Variants in GCGR observed in about 807,000 individuals in gnomAD.
GCGR encodes the protein glucagon receptor.
GCGR carries 41 observed loss-of-function variants against 56.1 expected under a neutral mutation model. The observed-to-expected ratio is 0.73, with a 90% CI of 0.57 to 0.95. GCGR has a LOEUF of 0.95. Ranked by LOEUF, GCGR falls within the 40% of genes least tolerant of loss-of-function variation. The pLI is 0.00. For synonymous variants in GCGR, 278 were observed against 271.1 expected, an observed-to-expected ratio of 1.03 and a Z score of -0.25; for missense variants, 595 against 638.2, an observed-to-expected ratio of 0.93 and a Z score of 0.73.
intron 2 of GCGR, among the ~76,000 whole-genome samples, 172 bp downstream of exon 2, chr17:81,809,250 GTCCATCTGCCTA>G (rs1398081020): frequency 6.7e-6 from 1 of 149,758 alleles, no homozygotes; most frequent in Admixed American, 6.7e-5. Context: ...CTGTCCATCT[GTCCATCTGCCTA>G]TCCATCTGCC....
rs938741500 is a variant in GCGR, at chr17:81,809,895, C to T, written c.163+11C>T. The T allele has an allele frequency of 6.6e-7, 1 of 1,517,268 alleles. No homozygotes were observed. The highest frequency in any genetic ancestry group is 1.4e-5 in the African/African-American group (1 of 72,730). The allele number at this position is 1,517,268 out of a possible 1,614,324, so 94.0% of individuals were successfully genotyped here. A position where few individuals can be genotyped will look rare whatever the true frequency, so the allele number is the denominator to read the frequency against. On this transcript the variant is annotated intron_variant, in intron 3 of 13. Transcript: ENST00000400723. ...TGCCCCCTCCCACGGGTGAGCCCCC[C>T]ACCCAGAGCCTTTCAGCCTGTGCCT... is the stretch of plus-strand genomic sequence containing the variant.
At chr17:81,807,586 G>T (rs556885631) in intron 1 of GCGR, among the ~76,000 whole-genome samples, 5 of 152,152 alleles carry the variant, frequency 3.3e-5, no homozygotes, top group African/African-American at 4.8e-5. Flanking sequence ...CCCTCTCCCC[G>T]GCTTCCCCCT....
In GCGR at chr17:81,813,168, G is replaced by C; in HGVS notation, c.1218+111G>C. On this transcript the variant is annotated intron_variant, in intron 13 of 13. Coordinates refer to ENST00000400723, the MANE Select transcript of GCGR (RefSeq NM_000160.5). This position sits in a 1 kb window ranked among gnomAD's most constrained non-coding sequence, Gnocchi z 5.3. ...CCCTGCCCGGGGGTTGGAACACGTGGGGCCCAAGCCTTTCCCTCCCCCTGC... is the reference window on the plus strand; with the variant it reads ...CCCTGCCCGGGGGTTGGAACACGTGCGGCCCAAGCCTTTCCCTCCCCCTGC... 1 of 1,468,348 alleles carries C rather than the reference G, an allele frequency of 6.8e-7. No homozygotes were observed. The highest frequency in any genetic ancestry group is 2.0e-5 in the Admixed American group (1 of 50,864). The allele number at this position is 1,468,348 out of a possible 1,614,324, so 91.0% of individuals were successfully genotyped here. A position where few individuals can be genotyped will look rare whatever the true frequency, so the allele number is the denominator to read the frequency against.
In GCGR at chr17:81,811,473, C is replaced by T. The variant is rs569946304; in HGVS notation, c.570C>T (p.Ser190=). 16 of 1,536,692 alleles carry T rather than the reference C, an allele frequency of 1.0e-5. No homozygotes were observed. Among genetic ancestry groups the T allele is most frequent in the African/African-American group, 5.5e-5 (4 of 73,174 alleles). Residue 190 remains serine (S), a synonymous_variant, in exon 7 of 14, where the codon TCC becomes TCT. Coordinates refer to ENST00000400723, the MANE Select transcript of GCGR (RefSeq NM_000160.5). The surrounding 1 kb of genome is among the most constrained non-coding windows in gnomAD (Gnocchi z 5.8). ...LFASFVLKAS[S]VLVIDGLLRT... is the part of the protein sequence containing the mutation. ...CGTCCTTCGTGCTGAAAGCCAGCTC[C>T]GTGCTGGTCATTGATGGGCTGCTCA...
chr17:81,809,244 C>T (rs2038027212), intron 2 of GCGR, among the ~76,000 whole-genome samples, 166 bp downstream of exon 2: 1 of 150,678 alleles, frequency 6.6e-6, no homozygotes, highest in Non-Finnish European at 1.5e-5. Flanking sequence ...GTCTGTCTGT[C>T]CATCTGTCCA....
At chr17:81,807,225 G>A (rs2037982675) in intron 1 of GCGR, among the ~76,000 whole-genome samples, 1 of 152,196 alleles carries the variant, frequency 6.6e-6, no homozygotes, top group Admixed American at 6.5e-5. Flanking sequence ...TGGGTCCTTC[G>A]CCCCAGCACC....
chr17:81,805,970 G>A (rs776029971), intron 1 of GCGR, among the ~76,000 whole-genome samples: 1 of 152,204 alleles, frequency 6.6e-6, no homozygotes, highest in Non-Finnish European at 1.5e-5. Context: ...CCTCTCGGGG[G>A]AGAGGGCTGG....
chr17:81,808,817 C>T (rs2143111292), intron 1 of GCGR, 25 bp from the exon 2 acceptor site: 1 of 635,024 alleles, frequency 1.6e-6, no homozygotes. Flanking sequence ...CCGCGCCCGG[C>T]CCCCAGCTCC....
chr17:81,813,899 A>G lies in GCGR; in HGVS notation c.*210A>G. The G allele has an allele frequency of 1.7e-6, 1 of 585,690 alleles. No homozygotes were observed. The highest frequency in any genetic ancestry group is 3.0e-6 in the Non-Finnish European group (1 of 330,124). 36.3% of individuals were successfully genotyped at this position (585,690 alleles called of 1,614,324 possible). ...GGTGCAGAGGTGAGCAGAGGAGTCC[A>G]GGGCGGGAGTGGGGGCTGTGCCGTG... On this transcript the variant is annotated 3_prime_UTR_variant, in exon 14 of 14. Transcript: ENST00000400723. The surrounding 1 kb of genome is among the most constrained non-coding windows in gnomAD (Gnocchi z 5.3).
chr17:81,806,139 A>G lies in GCGR; in HGVS notation c.-178+1890A>G, dbSNP rs946846743. Among the ~76,000 whole-genome samples, 2 of 152,038 alleles carry G rather than the reference A, an allele frequency of 1.3e-5. No individual in the cohort carries two copies. Among genetic ancestry groups the G allele is most frequent in the Admixed American group, 6.5e-5 (1 of 15,272 alleles). On this transcript the variant is annotated intron_variant, in intron 1 of 13. Coordinates refer to ENST00000400723, the MANE Select transcript of GCGR (RefSeq NM_000160.5). The surrounding 1 kb of genome is among the most constrained non-coding windows in gnomAD (Gnocchi z 6.5). ...AGGCCAGGCTCTCTCATGGGTGCTCAGCTGGAAATTGGTCCCCCCCCGGCT... is the reference window on the plus strand; with the variant it reads ...AGGCCAGGCTCTCTCATGGGTGCTCGGCTGGAAATTGGTCCCCCCCCGGCT...
At position 81,809,890 on chromosome 17, in the gene GCGR, C is replaced by T. The variant is rs1242527268; in HGVS notation, c.163+6C>T. The T allele has an allele frequency of 1.3e-6, 2 of 1,522,962 alleles. No individual in the cohort carries two copies. The highest frequency in any genetic ancestry group is 2.0e-5 in the Admixed American group (1 of 50,950). The allele number at this position is 1,522,962 out of a possible 1,614,324, so 94.3% of individuals were successfully genotyped here. A position where few individuals can be genotyped will look rare whatever the true frequency, so the allele number is the denominator to read the frequency against. ...CCTGCTGCCCCCTCCCACGGGTGAG[C>T]CCCCCACCCAGAGCCTTTCAGCCTG... On this transcript the variant is annotated splice_donor_region_variant and intron_variant, in intron 3 of 13. Transcript: ENST00000400723.
Position 81,813,585 on chromosome 17 carries a change from C to G in GCGR, c.1330C>G (p.Pro444Ala). ...CTCATCTTCGCCCGGCCACGGCCCT[C>G]CCAGCAAGGAGCTGCAGTTTGGGAG... ...RASSSPGHGP[P>A]SKELQFGRGG... The change falls in exon 14 of 14, where the codon CCC (proline) becomes GCC (alanine). Residue 444 changes from proline (P) to alanine (A), a missense_variant. Physicochemically the swap from Pro to Ala is conservative, Grantham distance 27. Transcript: ENST00000400723. The surrounding 1 kb of genome is among the most constrained non-coding windows in gnomAD (Gnocchi z 5.3). 3 of 1,536,576 alleles carry G rather than the reference C, an allele frequency of 2.0e-6. No individual in the cohort carries two copies. In the South Asian group the frequency reaches 3.6e-5, roughly 18 times the overall value.
In GCGR at chr17:81,811,993, G is replaced by A. The variant is rs1212485455; in HGVS notation, c.878+47G>A. The A allele has an allele frequency of 1.3e-6, 2 of 1,535,472 alleles. No homozygotes were observed. The highest frequency in any genetic ancestry group is 2.4e-5 in the East Asian group (1 of 40,910). ...GCCTGGGGAGGGACCGGGGGGCTGG[G>A]GTGCGGCGCTCTGGCCTGAGGCAGG... On this transcript the variant is annotated intron_variant, in intron 9 of 13. Transcript: ENST00000400723. The surrounding 1 kb of genome is among the most constrained non-coding windows in gnomAD (Gnocchi z 5.8).
chr17:81,810,245 C>G lies in GCGR; in HGVS notation c.163+361C>G, dbSNP rs895113814. The G allele has an allele frequency of 2.5e-5, 10 of 396,210 alleles. No homozygotes were observed. The highest frequency in any genetic ancestry group is 8.3e-5 in the African/African-American group (4 of 48,366). The allele number at this position is 396,210 out of a possible 1,614,324, so 24.5% of individuals were successfully genotyped here. A position where few individuals can be genotyped will look rare whatever the true frequency, so the allele number is the denominator to read the frequency against. ...TGGGACCCAGGGGCCTGGGAGGGCT[C>G]GGGTGGAGAGTGTATATCATGGCCT... On this transcript the variant is annotated intron_variant, in intron 3 of 13. Coordinates refer to ENST00000400723, the MANE Select transcript of GCGR (RefSeq NM_000160.5). This position sits in a 1 kb window ranked among gnomAD's most constrained non-coding sequence, Gnocchi z 4.6.
rs1051895460 is a variant in GCGR at position 81,810,371 on chromosome 17, G to A, written c.164-454G>A. The A allele has an allele frequency of 2.4e-5, 8 of 329,554 alleles. No individual in the cohort carries two copies. The highest frequency in any genetic ancestry group is 3.5e-5 in the Non-Finnish European group (6 of 171,464). 20.4% of individuals were successfully genotyped at this position (329,554 alleles called of 1,614,324 possible). A position where few individuals can be genotyped will look rare whatever the true frequency, so the allele number is the denominator to read the frequency against. On this transcript the variant is annotated intron_variant, in intron 3 of 13. Transcript: ENST00000400723. This position sits in a 1 kb window ranked among gnomAD's most constrained non-coding sequence, Gnocchi z 4.6. ...GGCAGCCACCACTGGGCAGAGGGGG[G>A]CAGGTGTGGCAGCCTCCATTGGGCA...
chr17:81,812,276 C>A lies in GCGR; in HGVS notation c.948+24C>A. On this transcript the variant is annotated intron_variant, in intron 10 of 13. Coordinates refer to ENST00000400723, the MANE Select transcript of GCGR (RefSeq NM_000160.5). This position sits in a 1 kb window ranked among gnomAD's most constrained non-coding sequence, Gnocchi z 8.5. ...TGGTGAGGAAATGAAGAGCCAGGAGCGCACCCCAGGCCCCTCCTCCCTTGG... is the reference window on the plus strand; with the variant it reads ...TGGTGAGGAAATGAAGAGCCAGGAGAGCACCCCAGGCCCCTCCTCCCTTGG... 6.5e-7 allele frequency: 1 copy of A among 1,534,186 alleles called. No homozygotes were observed. The highest frequency in any genetic ancestry group is 1.2e-5 in the South Asian group (1 of 83,978).
rs372804214 is a variant in GCGR at position 81,806,225 on chromosome 17, C to T, written c.-178+1976C>T. On this transcript the variant is annotated intron_variant, in intron 1 of 13. Transcript: ENST00000400723. The surrounding 1 kb of genome is among the most constrained non-coding windows in gnomAD (Gnocchi z 6.5). Reference sequence around the variant, plus strand: ...CCCTACCCATATGGGACCCACCACCCGCAGGGAACGGAGGACGCTCACACT... The same window carrying T: ...CCCTACCCATATGGGACCCACCACCTGCAGGGAACGGAGGACGCTCACACT... Among the ~76,000 whole-genome samples the T allele has an allele frequency of 2.8e-4, 42 of 152,236 alleles. No homozygotes were observed. The South Asian group carries it at 4.2e-3, about 15-fold the overall frequency.
In GCGR at chr17:81,810,525, G is replaced by T; in HGVS notation, c.164-300G>T. 1 of 521,174 alleles carries T rather than the reference G, an allele frequency of 1.9e-6. No individual in the cohort carries two copies. The highest frequency in any genetic ancestry group is 3.5e-6 in the Non-Finnish European group (1 of 286,792). 32.3% of individuals were successfully genotyped at this position (521,174 alleles called of 1,614,324 possible). A position where few individuals can be genotyped will look rare whatever the true frequency, so the allele number is the denominator to read the frequency against. Reference sequence around the variant, plus strand: ...CGGAGAATGGGGGACCCCAGTGTGGGTTTGGGGCACATTTGAGATGGGGGG... The same window carrying T: ...CGGAGAATGGGGGACCCCAGTGTGGTTTTGGGGCACATTTGAGATGGGGGG... On this transcript the variant is annotated intron_variant, in intron 3 of 13. Transcript: ENST00000400723. The surrounding 1 kb of genome is among the most constrained non-coding windows in gnomAD (Gnocchi z 4.6).
At chr17:81,809,666 CCTGT>C (rs1598235943) in intron 2 of GCGR, 112 bp from the exon 3 acceptor site, 1 of 730,518 alleles carries the variant, frequency 1.4e-6, no homozygotes. Context: ...TGTCTGTCTG[CCTGT>C]CTGTCCATCT....
Sources: gnomAD v4.1 joint callset for allele counts (sites outside exome capture counted in the v4.1 genomes callset) on GRCh38, gnomAD v4.1.1 for gene constraint, Gnocchi (gnomAD v3.1) non-coding constraint, MANE v1.5 for transcripts, NCBI Gene and HGNC (gene_info 2026-07-23, HGNC 2026-07-21) for gene names.